The following CYP2E1 variants were observed in gnomAD, a reference collection of about 807,000 sequenced individuals.
CYP2E1 encodes the protein cytochrome P450 2E1.
In CYP2E1, 31 loss-of-function variants were observed where a neutral mutation model predicts 42.9. The ratio of observed to expected loss-of-function variants is 0.72; its 90% CI spans 0.54 to 0.98. The LOEUF is 0.98. Ranked by LOEUF, CYP2E1 falls within the 50% of genes least tolerant of loss-of-function variation. The pLI, the probability that CYP2E1 is intolerant of heterozygous loss-of-function variation, is 0.00. For synonymous variants in CYP2E1, 244 were observed against 248.9 expected (o/e 0.98, Z 0.19); for missense variants, 565 against 633.2 (o/e 0.89, Z 1.16).
chr10:133,536,532 T>G (rs61868330), intron 6 of CYP2E1, among the ~76,000 whole-genome samples: 2 of 22,952 alleles, frequency 8.7e-5, no homozygotes, highest in Non-Finnish European at 2.6e-4. Flanking sequence ...TGGTTGGATG[T>G]ATAGATGGGT....
chr10:133,531,355 C>T (rs937632751), intron 2 of CYP2E1, among the ~76,000 whole-genome samples: 9 of 152,092 alleles, frequency 5.9e-5, no homozygotes, highest in Non-Finnish European at 1.3e-4. Flanking sequence ...GATGAAGAAA[C>T]CACAGTGCAG....
chr10:133,532,371 A>G (rs1851349380), intron 4 of CYP2E1, 87 bp downstream of exon 4: 2 of 1,296,744 alleles, frequency 1.5e-6, no homozygotes, highest in Admixed American at 4.0e-5. Context: ...TGTGATAGAC[A>G]GGACTGCAAA....
rs1047104054 is a variant in CYP2E1, at chr10:133,528,610, C to T, written c.307C>T (p.Leu103Phe). 1.3e-5 allele frequency: 21 copies of T among 1,613,268 alleles called. No homozygotes were observed. The highest frequency in any genetic ancestry group is 1.8e-5 in the Non-Finnish European group (21 of 1,179,982). ...YKDEFSGRGDLPAFHAHRDRG... is the reference protein window; with the variant it reads ...YKDEFSGRGDFPAFHAHRDRG... ...GGACGAGTTCTCGGGCAGAGGCGAC[C>T]TCCCCGCGTTCCATGCGCACAGGGA... Residue 103 changes from leucine to phenylalanine, a missense_variant, in exon 2 of 9, where the codon CTC becomes TTC. Coordinates refer to ENST00000252945, the MANE Select transcript of CYP2E1 (RefSeq NM_000773.4).
At chr10:133,533,666 C>T in intron 5 of CYP2E1, 90 bp from the exon 6 acceptor site, 1 of 1,450,228 alleles carries the variant, frequency 6.9e-7, no homozygotes, top group South Asian at 1.3e-5. Flanking sequence ...ACACTGTCTC[C>T]TGTGTCCCTG....
At chr10:133,534,891 GTCTCAC>G (rs1851379896) in intron 6 of CYP2E1, among the ~76,000 whole-genome samples, 1 of 150,230 alleles carries the variant, frequency 6.7e-6, no homozygotes, top group Non-Finnish European at 1.5e-5. Context: ...AGGGGACAGG[GTCTCAC>G]TCTGTTGCCC....
At chr10:133,529,704 G>A (rs971021779) in intron 2 of CYP2E1, among the ~76,000 whole-genome samples, 7 of 152,268 alleles carry the variant, frequency 4.6e-5, no homozygotes, top group African/African-American at 1.7e-4. Context: ...TCTTGAGCGT[G>A]CGCTCTGCGG....
At chr10:133,528,040 G>C (rs188776891) in intron 1 of CYP2E1, 7 of 225,720 alleles carry the variant, frequency 3.1e-5, no homozygotes, top group African/African-American at 1.6e-4. Context: ...CACGGAGCAG[G>C]CGCTGGGTGT....
In CYP2E1 at chr10:133,537,061, A is replaced by G; in HGVS notation, c.968-2A>G. On this transcript the variant is annotated splice_acceptor_variant, in intron 6 of 8. Transcript: ENST00000252945. LOFTEE classifies it high-confidence loss of function. ...AAATTTGTCCCATTCATATCTTGGC[A>G]GAGAAGCTCCATGAAGAAATTGACA... 1 of 1,612,742 alleles carries G rather than the reference A, an allele frequency of 6.2e-7. No homozygotes were observed. Among genetic ancestry groups the G allele is most frequent in the South Asian group, 1.1e-5 (1 of 90,912 alleles).
chr10:133,537,492 T>C (rs1036551069), intron 7 of CYP2E1: 6 of 596,742 alleles, frequency 1.0e-5, no homozygotes, highest in Non-Finnish European at 1.8e-5. Context: ...CCTGGGACTG[T>C]AGTGAATTCT....
In CYP2E1 at chr10:133,537,898, A is replaced by G. The variant is rs763254148; in HGVS notation, c.1297+6A>G. 6.2e-7 allele frequency: 1 copy of G among 1,612,946 alleles called. No individual in the cohort carries two copies. The highest frequency in any genetic ancestry group is 1.1e-5 in the South Asian group (1 of 90,826). On this transcript the variant is annotated splice_donor_region_variant and intron_variant, in intron 8 of 8. Coordinates refer to ENST00000252945, the MANE Select transcript of CYP2E1 (RefSeq NM_000773.4). ...TTTCAAGCCATTTTCCACAGGTGAG[A>G]AAGATCAGAGGCAGTACCTTCCCTT...
chr10:133,533,310 T>G (rs1436912866), intron 5 of CYP2E1, among the ~76,000 whole-genome samples: 3 of 152,230 alleles, frequency 2.0e-5, no homozygotes, highest in Non-Finnish European at 2.9e-5. Flanking sequence ...TCTTGTATCC[T>G]TGTCTTGTCC....
chr10:133,533,088 C>T (rs758844087), intron 5 of CYP2E1, among the ~76,000 whole-genome samples: 4 of 152,200 alleles, frequency 2.6e-5, no homozygotes, highest in African/African-American at 7.2e-5. Flanking sequence ...ATGGGCGGGA[C>T]GCTTAGCTCT....
chr10:133,530,427 T>C (rs1851322265), intron 2 of CYP2E1, among the ~76,000 whole-genome samples: 1 of 152,034 alleles, frequency 6.6e-6, no homozygotes, highest in South Asian at 2.1e-4. Flanking sequence ...CAGTCCTTCC[T>C]CCCCACCTTT....
At position 133,528,567 on chromosome 10, in the gene CYP2E1, A is replaced by G. The variant is rs774211736; in HGVS notation, c.264A>G (p.Glu88=). 35 of 1,613,360 alleles carry G rather than the reference A, an allele frequency of 2.2e-5. No individual in the cohort carries two copies. The highest frequency in any genetic ancestry group is 2.9e-5 in the Non-Finnish European group (34 of 1,179,964). The change falls in exon 2 of 9, where the codon GAA becomes GAG. Residue 88 remains glutamate (E), a synonymous_variant. Coordinates refer to ENST00000252945, the MANE Select transcript of CYP2E1 (RefSeq NM_000773.4). ...TGCACGGCTACAAGGCGGTGAAGGA[A>G]GCGCTGCTGGACTACAAGGACGAGT... ...VVMHGYKAVK[E]ALLDYKDEFS...
intron 6 of CYP2E1, among the ~76,000 whole-genome samples, chr10:133,534,868 A>AT (rs71016459): frequency 0.042 from 6,172 of 146,752 alleles, 387 homozygotes; most frequent in African/African-American, 0.15. Flanking sequence ...TTATTTATTT[A>AT]TTTTTTTTTT....
chr10:133,528,163 C>T (rs1851293043), intron 1 of CYP2E1: 1 of 287,082 alleles, frequency 3.5e-6, no homozygotes. Flanking sequence ...ATTCCGGAAG[C>T]GGGCAACGGG....
intron 1 of CYP2E1, chr10:133,528,178 T>G: frequency 4.2e-5 from 12 of 284,432 alleles, no homozygotes; most frequent in South Asian, 7.3e-5. Flanking sequence ...AACGGGGTGG[T>G]TGGTGGGCGC....
At chr10:133,535,249 G>A (rs566556934) in intron 6 of CYP2E1, among the ~76,000 whole-genome samples, 8 of 152,060 alleles carry the variant, frequency 5.3e-5, no homozygotes, top group Admixed American at 2.0e-4. Flanking sequence ...CAGGAGAATC[G>A]CTTCAACCTC....
At chr10:133,538,723 C>A in intron 8 of CYP2E1, 57 bp from the exon 9 acceptor site, 1 of 1,492,586 alleles carries the variant, frequency 6.7e-7, no homozygotes. Flanking sequence ...TCACTGTTAA[C>A]AGTGTCGTGT....
Sources: allele counts gnomAD v4.1 joint callset (sites outside exome capture counted in the v4.1 genomes callset), GRCh38; gene constraint gnomAD v4.1.1; transcripts MANE v1.5; gene names NCBI Gene and HGNC (gene_info 2026-07-23, HGNC 2026-07-21).